LIN9: variants seen among roughly 807,000 people sequenced by gnomAD.
LIN9 encodes lin-9 DREAM MuvB core complex component.
Under a neutral mutation model 78.0 loss-of-function variants are expected in LIN9, and 18 were observed. The ratio of observed to expected loss-of-function variants is 0.23; its 90% CI spans 0.16 to 0.34. The LOEUF (loss-of-function observed/expected upper bound fraction) is 0.34, where lower values mean the gene tolerates loss of function less well. Ranked by LOEUF, LIN9 falls within the 10% of genes least tolerant of loss-of-function variation. The pLI, the probability that LIN9 is intolerant of heterozygous loss-of-function variation, is 1.00. For synonymous variants in LIN9, 192 were observed against 215.2 expected (o/e 0.89, Z 0.94); for missense variants, 451 against 644.1 (o/e 0.70, Z 3.25).
chr1:226,232,145 T>C lies in LIN9; in HGVS notation c.*356A>G, dbSNP rs535307126. 1.0e-5 allele frequency: 4 copies of C among 399,530 alleles called. No individual in the cohort carries two copies. The highest frequency in any genetic ancestry group is 8.2e-5 in the African/African-American group (4 of 48,744). 24.7% of individuals were successfully genotyped at this position (399,530 alleles called of 1,614,324 possible). On this transcript the variant is annotated 3_prime_UTR_variant, in exon 15 of 15. Coordinates refer to ENST00000681046, the MANE Select transcript of LIN9 (RefSeq NM_001366245.2). Reference sequence around the variant, plus strand: ...AGACCAGGTTTCTTCATACTCTCCATTGCAGCAGTTGTCTGCATGTGTTGC... The same window carrying C: ...AGACCAGGTTTCTTCATACTCTCCACTGCAGCAGTTGTCTGCATGTGTTGC...
At chr1:226,289,606 C>T (rs114946936) in intron 4 of LIN9, among the ~76,000 whole-genome samples, 5,826 of 152,132 alleles carry the variant, frequency 0.038, 166 homozygotes, top group Non-Finnish European at 0.058. Context: ...AAGCGATCTT[C>T]CTGCCTCAGC....
intron 10 of LIN9, among the ~76,000 whole-genome samples, chr1:226,261,340 A>G (rs940810347): frequency 6.6e-6 from 1 of 152,058 alleles, no homozygotes; most frequent in African/African-American, 2.4e-5. Flanking sequence ...GAAAAAAACA[A>G]CTATCTGTTT....
intron 10 of LIN9, among the ~76,000 whole-genome samples, chr1:226,263,068 T>G (rs1316063117): frequency 6.6e-6 from 1 of 152,190 alleles, no homozygotes; most frequent in Non-Finnish European, 1.5e-5. Context: ...TTCAAATATA[T>G]GACAGTCTGC....
chr1:226,280,953 A>T (rs1661009895), intron 6 of LIN9, among the ~76,000 whole-genome samples: 1 of 152,232 alleles, frequency 6.6e-6, no homozygotes. Flanking sequence ...TATATCAAAG[A>T]GATATCTGTA....
chr1:226,247,413 C>T (rs1230702342), intron 11 of LIN9, among the ~76,000 whole-genome samples: 1 of 151,906 alleles, frequency 6.6e-6, no homozygotes, highest in Admixed American at 6.6e-5. Context: ...TAATTTGAGG[C>T]CTATAAAAAT....
At chr1:226,256,554 T>TAA (rs1464282873) in intron 10 of LIN9, among the ~76,000 whole-genome samples, 5 of 149,040 alleles carry the variant, frequency 3.4e-5, no homozygotes, top group Admixed American at 6.7e-5. Context: ...ATAAAATAAA[T>TAA]ATATATATAT....
chr1:226,281,816 C>T lies in LIN9; in HGVS notation c.525-3884G>A, dbSNP rs571173071. Among the ~76,000 whole-genome samples the T allele has an allele frequency of 2.6e-3, 391 of 151,946 alleles. 2 individuals carry two copies. The highest frequency in any genetic ancestry group is 3.8e-3 in the Non-Finnish European group (257 of 67,942). On this transcript the variant is annotated intron_variant, in intron 6 of 14. Transcript: ENST00000681046. ...TCAAGCAATTCTCCTGCCTCAGCCC[C>T]CTGAGTAGCTGGGACTACAGGTATG... is the stretch of plus-strand genomic sequence containing the variant.
intron 4 of LIN9, among the ~76,000 whole-genome samples, chr1:226,294,712 G>A (rs1487265496): frequency 6.6e-6 from 1 of 151,992 alleles, no homozygotes; most frequent in Non-Finnish European, 1.5e-5. Flanking sequence ...GATTATATCA[G>A]AAGTTATAAA....
At chr1:226,287,192 C>A (rs1303250041) in intron 5 of LIN9, among the ~76,000 whole-genome samples, 1 of 152,162 alleles carries the variant, frequency 6.6e-6, no homozygotes. Context: ...TGTATTTCAG[C>A]CAAATCTCAT....
At chr1:226,290,826 G>A (rs1240129429) in intron 4 of LIN9, among the ~76,000 whole-genome samples, 6 of 151,894 alleles carry the variant, frequency 4.0e-5, no homozygotes, top group East Asian at 1.9e-4. Context: ...ACACGATCGC[G>A]GCTCACTGCA....
chr1:226,290,596 T>C (rs1261612822), intron 4 of LIN9, among the ~76,000 whole-genome samples: 1 of 152,070 alleles, frequency 6.6e-6, no homozygotes, highest in Non-Finnish European at 1.5e-5. Context: ...CACCTCGGCC[T>C]CCCAAAGTGC....
At position 226,239,007 on chromosome 1, in the gene LIN9, G is replaced by A. The variant is rs927624055; in HGVS notation, c.1209C>T (p.Asn403=). 1.9e-6 allele frequency: 3 copies of A among 1,613,606 alleles called. No homozygotes were observed. The highest frequency in any genetic ancestry group is 1.7e-5 in the Admixed American group (1 of 59,930). The change falls in exon 12 of 15, where the codon AAC becomes AAT. Residue 403 remains asparagine (N), a synonymous_variant. Transcript: ENST00000681046. ...LELEQLNKDL[N]KVLHKVQQYC... is the part of the protein sequence containing the mutation. ...ACTGTTGAACTTTATGCAAAACTTTGTTTAGGTCCTTGTTCAGCTGTTCAA... is the reference window on the plus strand; with the variant it reads ...ACTGTTGAACTTTATGCAAAACTTTATTTAGGTCCTTGTTCAGCTGTTCAA...
chr1:226,277,216 G>GAAAA (rs71168975), intron 7 of LIN9, among the ~76,000 whole-genome samples: 3 of 91,460 alleles, frequency 3.3e-5, no homozygotes, highest in Admixed American at 1.3e-4. Context: ...GTCTCAAAAA[G>GAAAA]AAAAAAAAAA....
Position 226,268,053 on chromosome 1 carries a change from T to A in LIN9, c.720A>T (p.Gly240=). ...TAAGAGTATCCACAGCATCTATTTG[T>A]CCAGTGAACAAACCATCATGAACAC... ...LRGVHDGLFT[G]QIDAVDTLNA... is the part of the protein sequence containing the mutation. The change falls in exon 8 of 15, where the codon GGA becomes GGT. Residue 240 remains glycine (G), a synonymous_variant. Coordinates refer to ENST00000681046, the MANE Select transcript of LIN9 (RefSeq NM_001366245.2). 2 of 1,614,068 alleles carry A rather than the reference T, an allele frequency of 1.2e-6. No homozygotes were observed. The highest frequency in any genetic ancestry group is 1.7e-6 in the Non-Finnish European group (2 of 1,179,960).
intron 11 of LIN9, among the ~76,000 whole-genome samples, chr1:226,249,235 G>A (rs962256087): frequency 2.6e-5 from 4 of 152,334 alleles, no homozygotes; most frequent in African/African-American, 9.6e-5. Context: ...AAGGGCAGAA[G>A]TAGAACTGAT....
At position 226,232,415 on chromosome 1, in the gene LIN9, A is replaced by T; in HGVS notation, c.*86T>A. Reference sequence around the variant, plus strand: ...AAATTTCCCTTGTTTTCCAGCAGTTAGGTTATTTGGTGTTGGAAGCCTATA... The same window carrying T: ...AAATTTCCCTTGTTTTCCAGCAGTTTGGTTATTTGGTGTTGGAAGCCTATA... On this transcript the variant is annotated 3_prime_UTR_variant, in exon 15 of 15. Transcript: ENST00000681046. 1 of 785,924 alleles carries T rather than the reference A, an allele frequency of 1.3e-6. No individual in the cohort carries two copies. Among genetic ancestry groups the T allele is most frequent in the Non-Finnish European group, 2.1e-6 (1 of 484,266 alleles). The allele number at this position is 785,924 out of a possible 1,614,324, so 48.7% of individuals were successfully genotyped here. A position where few individuals can be genotyped will look rare whatever the true frequency, so the allele number is the denominator to read the frequency against.
chr1:226,275,642 G>A lies in LIN9; in HGVS notation c.682+2133C>T, dbSNP rs189095652. 1.8e-3 allele frequency among the ~76,000 whole-genome samples: 259 copies of A among 144,440 alleles called. 1 individual carries two copies. The highest frequency in any genetic ancestry group is 6.5e-3 in the African/African-American group (251 of 38,796). The allele number at this position is 144,440 out of a possible 152,430, so 94.8% of individuals were successfully genotyped here. A position where few individuals can be genotyped will look rare whatever the true frequency, so the allele number is the denominator to read the frequency against. On this transcript the variant is annotated intron_variant, in intron 7 of 14. Transcript: ENST00000681046. ...TGGGAGGCAGAGGCTGCAGTGAGCC[G>A]AGACTGAGGCACTGCACTCCAGCCT...
chr1:226,249,845 T>G (rs74905455), intron 11 of LIN9, among the ~76,000 whole-genome samples: 1 of 152,186 alleles, frequency 6.6e-6, no homozygotes, highest in Non-Finnish European at 1.5e-5. Flanking sequence ...AAGACTTTCT[T>G]AGTGAATAGT....
At chr1:226,267,214 A>T (rs1659973207) in intron 8 of LIN9, among the ~76,000 whole-genome samples, 1 of 138,562 alleles carries the variant, frequency 7.2e-6, no homozygotes, top group Non-Finnish European at 1.5e-5. Context: ...GCAATATTGT[A>T]TTTCTGCACT....
Sources: gnomAD v4.1 joint callset for allele counts (sites outside exome capture counted in the v4.1 genomes callset) on GRCh38, gnomAD v4.1.1 for gene constraint, MANE v1.5 for transcripts, NCBI Gene and HGNC (gene_info 2026-07-23, HGNC 2026-07-21) for gene names.